Variants in SLC29A1 observed in about 807,000 individuals in gnomAD.
SLC29A1 encodes equilibrative nucleoside transporter 1.
SLC29A1 carries 22 observed loss-of-function variants against 48.3 expected under a neutral mutation model. The ratio of observed to expected loss-of-function variants is 0.46; its 90% CI spans 0.33 to 0.65. The LOEUF (loss-of-function observed/expected upper bound fraction) is 0.65, where lower values mean the gene tolerates loss of function less well. SLC29A1 is among the 30% of genes least tolerant of loss of function. The pLI is 0.03. For synonymous variants in SLC29A1, 228 were observed against 231.0 expected (o/e 0.99, Z 0.12); for missense variants, 491 against 575.3 (o/e 0.85, Z 1.50).
At chr6:44,223,013 G>T (rs1582923771), upstream of SLC29A1, among the ~76,000 whole-genome samples, 1 of 152,228 alleles carries the variant, frequency 6.6e-6, no homozygotes, top group Admixed American at 6.5e-5. The surrounding 1 kb of genome is among the most constrained non-coding windows in gnomAD (Gnocchi z 5.0). Flanking sequence ...GGGACTGGAT[G>T]TGTCAGGGAT....
In SLC29A1 at chr6:44,231,216, G is replaced by A. The variant is rs141205940; in HGVS notation, c.767-148G>A. On this transcript the variant is annotated intron_variant, in intron 8 of 12. Coordinates refer to ENST00000371755, the MANE Select transcript of SLC29A1 (RefSeq NM_001372327.1). Reference sequence around the variant, plus strand: ...GGGTCTTGAGTTGTAGGGATTTGGAGGCGAGGTCTGGGTTAGGGTTAGAGT... The same window carrying A: ...GGGTCTTGAGTTGTAGGGATTTGGAAGCGAGGTCTGGGTTAGGGTTAGAGT... 6.3e-6 allele frequency: 4 copies of A among 637,298 alleles called. No individual in the cohort carries two copies. The East Asian group carries it at 1.1e-4, about 17-fold the overall frequency. 39.5% of individuals were successfully genotyped at this position (637,298 alleles called of 1,614,324 possible).
chr6:44,231,360 G>C lies in SLC29A1; in HGVS notation c.767-4G>C, dbSNP rs76056307. 1.9e-6 allele frequency: 3 copies of C among 1,581,510 alleles called. No homozygotes were observed. Among genetic ancestry groups the C allele is most frequent in the Admixed American group, 3.4e-5 (2 of 58,748 alleles). ...ACAACTTGGAGATTTCTTCCATCCC[G>C]CAGGAGAGGAGCCAAGAGCAGGCAA... is the stretch of plus-strand genomic sequence containing the variant. On this transcript the variant is annotated splice_polypyrimidine_tract_variant and splice_region_variant and intron_variant, in intron 8 of 12. Coordinates refer to ENST00000371755, the MANE Select transcript of SLC29A1 (RefSeq NM_001372327.1).
At chr6:44,221,911 A>T (rs1027076664), upstream of SLC29A1, among the ~76,000 whole-genome samples, 14 of 151,868 alleles carry the variant, frequency 9.2e-5, no homozygotes, top group Admixed American at 8.5e-4. This position sits in a 1 kb window ranked among gnomAD's most constrained non-coding sequence, Gnocchi z 4.2. Context: ...CTGGCCTGAG[A>T]CCCTCACCAC....
At chr6:44,222,739 G>A (rs1340321584), upstream of SLC29A1, among the ~76,000 whole-genome samples, 1 of 152,198 alleles carries the variant, frequency 6.6e-6, no homozygotes, top group African/African-American at 2.4e-5. Flanking sequence ...GCTAGTGAAA[G>A]ACATACTCAG....
At position 44,232,797 on chromosome 6, in the gene SLC29A1, G is replaced by T; in HGVS notation, c.1060-10G>T. The T allele has an allele frequency of 6.2e-7, 1 of 1,608,036 alleles. No individual in the cohort carries two copies. Among genetic ancestry groups the T allele is most frequent in the Non-Finnish European group, 8.5e-7 (1 of 1,179,578 alleles). On this transcript the variant is annotated splice_polypyrimidine_tract_variant and intron_variant, in intron 11 of 12. Transcript: ENST00000371755. The surrounding 1 kb of genome is among the most constrained non-coding windows in gnomAD (Gnocchi z 4.7). The stretch of plus-strand genomic sequence containing the variant: ...GCGGCCTGGGCTGAGGCCCTGCCTG[G>T]TGCCCACAGCCTGGGAAGGACAGCC...
At chr6:44,221,792 G>A (rs916519445), upstream of SLC29A1, 11 of 420,110 alleles carry the variant, frequency 2.6e-5, no homozygotes, top group Non-Finnish European at 4.8e-5. The surrounding 1 kb of genome is among the most constrained non-coding windows in gnomAD (Gnocchi z 4.2). Flanking sequence ...GGCCCAGCAG[G>A]ATGGATGCCA....
chr6:44,227,797 G>A (rs1270052393), intron 2 of SLC29A1, among the ~76,000 whole-genome samples: 1 of 152,234 alleles, frequency 6.6e-6, no homozygotes, highest in Admixed American at 6.5e-5. Flanking sequence ...TTGCAGTTAT[G>A]ACTGTGAATA....
chr6:44,231,579 T>C lies in SLC29A1; in HGVS notation c.864+118T>C, dbSNP rs1778888386. Reference sequence around the variant, plus strand: ...GACCTGAGAGTGGTCACTCCTGGATTCTTTTGTGTGTGCGTGCGTGCCCAT... The same window carrying C: ...GACCTGAGAGTGGTCACTCCTGGATCCTTTTGTGTGTGCGTGCGTGCCCAT... On this transcript the variant is annotated intron_variant, in intron 9 of 12. Transcript: ENST00000371755. 3.2e-5 allele frequency: 23 copies of C among 719,148 alleles called. No individual in the cohort carries two copies. In the South Asian group the frequency reaches 3.7e-4, roughly 12 times the overall value. The allele number at this position is 719,148 out of a possible 1,614,324, so 44.5% of individuals were successfully genotyped here. A position where few individuals can be genotyped will look rare whatever the true frequency, so the allele number is the denominator to read the frequency against.
chr6:44,231,984 C>T lies in SLC29A1; in HGVS notation c.865-14C>T, dbSNP rs902036426. 8 of 1,585,042 alleles carry T rather than the reference C, an allele frequency of 5.0e-6. No individual in the cohort carries two copies. The highest frequency in any genetic ancestry group is 6.9e-6 in the Non-Finnish European group (8 of 1,154,058). ...AGACACAGGCATTTGGGTGACTCTACCCCTTCTATCTAGATCTCAGTCCTG... is the reference window on the plus strand; with the variant it reads ...AGACACAGGCATTTGGGTGACTCTATCCCTTCTATCTAGATCTCAGTCCTG... On this transcript the variant is annotated splice_polypyrimidine_tract_variant and intron_variant, in intron 9 of 12. Coordinates refer to ENST00000371755, the MANE Select transcript of SLC29A1 (RefSeq NM_001372327.1).
At position 44,227,272 on chromosome 6, in the gene SLC29A1, G is replaced by A. The variant is rs572988776; in HGVS notation, c.-42G>A. The A allele has an allele frequency of 6.2e-7, 1 of 1,613,834 alleles. No homozygotes were observed. Among genetic ancestry groups the A allele is most frequent in the South Asian group, 1.1e-5 (1 of 91,042 alleles). ...TTCCTGCCCCCAGCAGGCCCCTGAG[G>A]GAGGGAGCTGTCAGCCAGGGAAAAC... On this transcript the variant is annotated 5_prime_UTR_variant, in exon 2 of 13. Coordinates refer to ENST00000371755, the MANE Select transcript of SLC29A1 (RefSeq NM_001372327.1).
At position 44,223,990 on chromosome 6, in the gene SLC29A1, G is replaced by A. The variant is rs1776863298; in HGVS notation, c.-52+349G>A. On this transcript the variant is annotated intron_variant, in intron 1 of 12. Transcript: ENST00000371755. This position sits in a 1 kb window ranked among gnomAD's most constrained non-coding sequence, Gnocchi z 5.0. The stretch of plus-strand genomic sequence containing the variant: ...AGGGAGGGGCCGTGCCGCTGACTGC[G>A]CTGGCGGAGGGGTATGGGGATGGGG... 7 of 974,452 alleles carry A rather than the reference G, an allele frequency of 7.2e-6. No homozygotes were observed. Among genetic ancestry groups the A allele is most frequent in the Non-Finnish European group, 8.5e-6 (7 of 819,916 alleles). The allele number at this position is 974,452 out of a possible 1,614,324, so 60.4% of individuals were successfully genotyped here. A position where few individuals can be genotyped will look rare whatever the true frequency, so the allele number is the denominator to read the frequency against.
upstream of SLC29A1, among the ~76,000 whole-genome samples, chr6:44,222,647 C>T (rs189466249): frequency 2.6e-5 from 4 of 152,152 alleles, no homozygotes; most frequent in East Asian, 1.9e-4. Context: ...ATTTATTGCC[C>T]GACCAAAGAG....
At position 44,232,850 on chromosome 6, in the gene SLC29A1, G is replaced by A. The variant is rs1466483828; in HGVS notation, c.1103G>A (p.Arg368Gln). ...SRWLPSLVLARLVFVPLLLLC... is the reference protein window; with the variant it reads ...SRWLPSLVLAQLVFVPLLLLC... ...TGGCTGCCAAGCCTGGTGCTGGCCC[G>A]GCTGGTGTTTGTGCCACTGCTGCTG... Residue 368 changes from arginine to glutamine, a missense_variant, in exon 12 of 13, where the codon CGG becomes CAG. By Grantham distance (43) the Arg-to-Gln change is conservative. Transcript: ENST00000371755. The surrounding 1 kb of genome is among the most constrained non-coding windows in gnomAD (Gnocchi z 4.7). 7 of 1,613,500 alleles carry A rather than the reference G, an allele frequency of 4.3e-6. No individual in the cohort carries two copies. The highest frequency in any genetic ancestry group is 1.7e-5 in the Admixed American group (1 of 60,010).
rs1471109061 is a variant in SLC29A1 at position 44,232,595 on chromosome 6, A to G, written c.1059+167A>G. On this transcript the variant is annotated intron_variant, in intron 11 of 12. Coordinates refer to ENST00000371755, the MANE Select transcript of SLC29A1 (RefSeq NM_001372327.1). This position sits in a 1 kb window ranked among gnomAD's most constrained non-coding sequence, Gnocchi z 4.7. ...GTCTTAAGTGTACAACTTAATGAATATATGTATATACACATACCTGCCCAG... is the reference window on the plus strand; with the variant it reads ...GTCTTAAGTGTACAACTTAATGAATGTATGTATATACACATACCTGCCCAG... 1.6e-6 allele frequency: 1 copy of G among 639,984 alleles called. No individual in the cohort carries two copies. The highest frequency in any genetic ancestry group is 2.7e-6 in the Non-Finnish European group (1 of 366,948). The allele number at this position is 639,984 out of a possible 1,614,324, so 39.6% of individuals were successfully genotyped here.
chr6:44,220,696 G>A (rs544829665), upstream of SLC29A1, among the ~76,000 whole-genome samples: 38 of 150,886 alleles, frequency 2.5e-4, 2 homozygotes, highest in South Asian at 6.7e-3. Context: ...GTGGTGGCAC[G>A]TGCCCGTAAT....
intron 6 of SLC29A1, 30 bp from the exon 7 acceptor site, chr6:44,230,538 G>A (rs760062697): frequency 6.2e-7 from 1 of 1,613,946 alleles, no homozygotes; most frequent in South Asian, 1.1e-5. Flanking sequence ...AGGGGATGGG[G>A]CCTGTCTCTG....
rs769046429 is a variant in SLC29A1, at chr6:44,233,652, C to T, written c.*124C>T. 1.1e-5 allele frequency: 8 copies of T among 752,728 alleles called. No homozygotes were observed. Among genetic ancestry groups the T allele is most frequent in the East Asian group, 7.7e-5 (3 of 38,754 alleles). 46.6% of individuals were successfully genotyped at this position (752,728 alleles called of 1,614,324 possible). A position where few individuals can be genotyped will look rare whatever the true frequency, so the allele number is the denominator to read the frequency against. ...TCTAACTGACTTCTGCTTTCCACGGCGTGTGCTGGGCCCGGATCTCCAGGC... is the reference window on the plus strand; with the variant it reads ...TCTAACTGACTTCTGCTTTCCACGGTGTGTGCTGGGCCCGGATCTCCAGGC... On this transcript the variant is annotated 3_prime_UTR_variant, in exon 13 of 13. Transcript: ENST00000371755.
chr6:44,233,062 G>C lies in SLC29A1; in HGVS notation c.1259+56G>C, dbSNP rs1779254050. The C allele has an allele frequency of 7.1e-6, 11 of 1,544,008 alleles. No individual in the cohort carries two copies. In the South Asian group the frequency reaches 7.8e-5, roughly 11 times the overall value. On this transcript the variant is annotated intron_variant, in intron 12 of 12. Coordinates refer to ENST00000371755, the MANE Select transcript of SLC29A1 (RefSeq NM_001372327.1). ...ATCAGACAGGATCTAGAGTTCCAGT[G>C]GGGGACACTCAGTAGAGGGAGGGCA...
rs8187638 is a variant in SLC29A1 at position 44,230,551 on chromosome 6, C to G, written c.590-17C>G. 1.2e-4 allele frequency: 191 copies of G among 1,613,956 alleles called. No individual in the cohort carries two copies. The African/African-American group carries it at 2.4e-3, about 20-fold the overall frequency. ...AGAGGGGATGGGGCCTGTCTCTGAT[C>G]ACTGACACCACCCCAGGTGGCTCGG... On this transcript the variant is annotated splice_polypyrimidine_tract_variant and intron_variant, in intron 6 of 12. Transcript: ENST00000371755.
Sources: allele counts gnomAD v4.1 joint callset (sites outside exome capture counted in the v4.1 genomes callset), GRCh38; gene constraint gnomAD v4.1.1; non-coding constraint Gnocchi (gnomAD v3.1); transcripts MANE v1.5; gene names NCBI Gene and HGNC (gene_info 2026-07-23, HGNC 2026-07-21).